DNM3: variants seen among roughly 807,000 people sequenced by gnomAD.
DNM3 encodes the protein dynamin-3.
Under a neutral mutation model 101.6 loss-of-function variants are expected in DNM3, and 47 were observed. That is an observed-to-expected ratio of 0.46 (90% CI 0.37 to 0.59). The LOEUF (loss-of-function observed/expected upper bound fraction) is 0.59, where lower values mean the gene tolerates loss of function less well. Ranked by LOEUF, DNM3 falls within the 20% of genes least tolerant of loss-of-function variation. DNM3 has a pLI of 0.00. For synonymous variants in DNM3, 385 were observed against 387.9 expected (o/e 0.99, Z 0.09); for missense variants, 849 against 1,085.7 (o/e 0.78, Z 3.06).
At chr1:172,138,912 G>T (rs773909413) in intron 14 of DNM3, 45 of 473,204 alleles carry the variant, frequency 9.5e-5, no homozygotes, top group South Asian at 6.6e-4. Flanking sequence ...CAGGCCCTTG[G>T]TTCCTTCAGG....
chr1:172,008,662 C>T (rs2046861369), intron 4 of DNM3, among the ~76,000 whole-genome samples: 1 of 149,274 alleles, frequency 6.7e-6, no homozygotes, highest in Non-Finnish European at 1.5e-5. Context: ...TACTCCAGTA[C>T]CATCATTTAG....
chr1:172,303,100 T>G lies in DNM3; in HGVS notation c.1770-5628T>G, dbSNP rs887119177. On this transcript the variant is annotated intron_variant, in intron 15 of 20. Coordinates refer to ENST00000627582, the MANE Select transcript of DNM3 (RefSeq NM_015569.5). ...AACTTCTCCAAGCAAAAGGAGCATGTTCTAACCCATTGCAAGGAAGCTAAA... is the reference window on the plus strand; with the variant it reads ...AACTTCTCCAAGCAAAAGGAGCATGGTCTAACCCATTGCAAGGAAGCTAAA... Among the ~76,000 whole-genome samples, 11 of 152,168 alleles carry G rather than the reference T, an allele frequency of 7.2e-5. No homozygotes were observed. The South Asian group carries it at 2.3e-3, about 32-fold the overall frequency.
At chr1:172,362,518 T>C (rs142662586) in intron 17 of DNM3, among the ~76,000 whole-genome samples, 1 of 152,080 alleles carries the variant, frequency 6.6e-6, no homozygotes, top group African/African-American at 2.4e-5. Context: ...CTGTACAGCA[T>C]ACTGAATCTC....
intron 1 of DNM3, among the ~76,000 whole-genome samples, chr1:171,911,301 A>G (rs113307269): frequency 0.027 from 2,024 of 75,230 alleles, 60 homozygotes; most frequent in African/African-American, 0.079. Flanking sequence ...TTTTTTTGAT[A>G]AAGAGTTTCA....
intron 16 of DNM3, among the ~76,000 whole-genome samples, chr1:172,321,158 T>C (rs2065696244): frequency 6.6e-6 from 1 of 152,168 alleles, no homozygotes; most frequent in Non-Finnish European, 1.5e-5. Flanking sequence ...TTGGACAAAC[T>C]CTGAAAGTGA....
chr1:171,883,403 ACACACACACACCC>A lies in DNM3; in HGVS notation c.162-38344_162-38332del, dbSNP rs1406902857. The stretch of plus-strand genomic sequence containing the variant: ...CACACACACACACACACACACACAC[ACACACACACACCC>A]TGTCAGAATGAATACCATCAATCTA... On this transcript the variant is annotated intron_variant, in intron 1 of 20. Coordinates refer to ENST00000627582, the MANE Select transcript of DNM3 (RefSeq NM_015569.5). Among the ~76,000 whole-genome samples, 116 of 96,568 alleles carry A rather than the reference ACACACACACACCC, an allele frequency of 1.2e-3. 1 individual carries two copies. The East Asian group carries it at 0.024, about 20-fold the overall frequency. 63.4% of individuals were successfully genotyped at this position (96,568 alleles called of 152,430 possible).
At chr1:171,954,478 G>A (rs932346820) in intron 2 of DNM3, among the ~76,000 whole-genome samples, 3 of 152,106 alleles carry the variant, frequency 2.0e-5, no homozygotes, top group Non-Finnish European at 2.9e-5. Context: ...TTAATTTCTG[G>A]ATGCAAAGTA....
At chr1:172,097,495 T>C (rs1015109307) in intron 13 of DNM3, among the ~76,000 whole-genome samples, 3 of 152,170 alleles carry the variant, frequency 2.0e-5, no homozygotes, top group African/African-American at 4.8e-5. Flanking sequence ...TCAGGACTCA[T>C]GTACACTGGA....
chr1:172,309,133 A>G, intron 16 of DNM3: 1 of 308,020 alleles, frequency 3.2e-6, no homozygotes, highest in Non-Finnish European at 5.9e-6. Context: ...TCAAAATTTC[A>G]TTTTTCTCTA....
intron 1 of DNM3, among the ~76,000 whole-genome samples, chr1:171,852,922 C>T (rs1285211698): frequency 1.3e-5 from 2 of 152,010 alleles, no homozygotes; most frequent in Non-Finnish European, 1.5e-5. Context: ...AAACAGTCTA[C>T]GATTTGGCTT....
At chr1:171,962,046 T>G (rs114258718) in intron 2 of DNM3, among the ~76,000 whole-genome samples, 22 of 152,222 alleles carry the variant, frequency 1.4e-4, no homozygotes, top group African/African-American at 5.3e-4. Context: ...TATCACATGG[T>G]TAGGGGGAAG....
rs149081207 is a variant in DNM3 at position 172,125,763 on chromosome 1, G to C, written c.1546-5412G>C. On this transcript the variant is annotated intron_variant, in intron 13 of 20. Transcript: ENST00000627582. ...TACTCGAATACTCAAAACAGAATTTGATATTCAAATACTAAGAAGATGTAA... is the reference window on the plus strand; with the variant it reads ...TACTCGAATACTCAAAACAGAATTTCATATTCAAATACTAAGAAGATGTAA... 4.6e-3 allele frequency among the ~76,000 whole-genome samples: 704 copies of C among 152,282 alleles called. 4 individuals are homozygous for C. The highest frequency in any genetic ancestry group is 8.2e-3 in the Non-Finnish European group (556 of 68,016).
intron 11 of DNM3, among the ~76,000 whole-genome samples, chr1:172,079,476 T>G (rs919367946): frequency 6.6e-6 from 1 of 152,110 alleles, no homozygotes; most frequent in African/African-American, 2.4e-5. Flanking sequence ...CATCAGGTCA[T>G]TTATATTCTT....
intron 13 of DNM3, among the ~76,000 whole-genome samples, chr1:172,112,587 A>C (rs957274353): frequency 1.3e-5 from 2 of 152,208 alleles, no homozygotes; most frequent in Non-Finnish European, 2.9e-5. Flanking sequence ...TCCTGAAAAC[A>C]TAACCAATTC....
chr1:172,012,881 C>T (rs1300780571), intron 4 of DNM3, among the ~76,000 whole-genome samples: 2 of 151,958 alleles, frequency 1.3e-5, no homozygotes, highest in African/African-American at 4.8e-5. Context: ...AACTACTACT[C>T]AGGGAAAACT....
intron 20 of DNM3, chr1:172,393,942 T>G (rs1208466276): frequency 6.6e-6 from 1 of 152,528 alleles, no homozygotes; most frequent in East Asian, 1.9e-4. Flanking sequence ...TAATATGAGT[T>G]GTCATGATGC....
At chr1:171,935,388 G>A (rs1270065169) in intron 2 of DNM3, among the ~76,000 whole-genome samples, 2 of 152,102 alleles carry the variant, frequency 1.3e-5, no homozygotes, top group Non-Finnish European at 2.9e-5. Flanking sequence ...AGAAAGGTGA[G>A]GAAAATCATG....
intron 13 of DNM3, among the ~76,000 whole-genome samples, chr1:172,107,843 T>C (rs971677854): frequency 1.3e-5 from 2 of 152,244 alleles, no homozygotes; most frequent in African/African-American, 4.8e-5. Context: ...AGCACGAATC[T>C]TTTCACATTC....
chr1:172,409,172 T>C lies in DNM3; in HGVS notation c.*1331T>C, dbSNP rs781381219. 1.3e-4 allele frequency: 126 copies of C among 985,280 alleles called. No homozygotes were observed. The highest frequency in any genetic ancestry group is 1.5e-4 in the Non-Finnish European group (121 of 829,900). The allele number at this position is 985,280 out of a possible 1,614,324, so 61.0% of individuals were successfully genotyped here. A position where few individuals can be genotyped will look rare whatever the true frequency, so the allele number is the denominator to read the frequency against. On this transcript the variant is annotated 3_prime_UTR_variant, in exon 21 of 21. Coordinates refer to ENST00000627582, the MANE Select transcript of DNM3 (RefSeq NM_015569.5). ...CAGCCAGAAGCCAACTGGAATTTTG[T>C]GTGCTAACTGTTCCCAGACAGCAGA...
Sources: gnomAD v4.1 joint callset for allele counts (sites outside exome capture counted in the v4.1 genomes callset) on GRCh38, gnomAD v4.1.1 for gene constraint, MANE v1.5 for transcripts, NCBI Gene and HGNC (gene_info 2026-07-23, HGNC 2026-07-21) for gene names.